NTM: variants seen among roughly 807,000 people sequenced by gnomAD.
NTM encodes the protein IgLON family member 2.
A neutral mutation model predicts 42.1 loss-of-function variants in NTM; 13 were observed. The observed-to-expected ratio is 0.31, with a 90% CI of 0.20 to 0.49. The LOEUF is 0.49. Among genes scored for constraint, NTM ranks in the 20% least tolerant of loss-of-function variants. The probability of loss-of-function intolerance (pLI) is 0.99; values close to 1 mark genes in which losing one functional copy is unlikely to be tolerated. For synonymous variants in NTM, 187 were observed against 179.2 expected, an observed-to-expected ratio of 1.04 and a Z score of -0.35; for missense variants, 373 against 452.8, an observed-to-expected ratio of 0.82 and a Z score of 1.60.
intron 3 of NTM, among the ~76,000 whole-genome samples, chr11:132,147,679 C>G (rs1345298043): frequency 6.6e-6 from 1 of 152,134 alleles, no homozygotes; most frequent in East Asian, 1.9e-4. Flanking sequence ...AGATCCAGTG[C>G]TGGAGCCCTT....
intron 3 of NTM, among the ~76,000 whole-genome samples, chr11:132,211,182 T>C (rs2082770824): frequency 6.6e-6 from 1 of 152,154 alleles, no homozygotes; most frequent in South Asian, 2.1e-4. Context: ...GGCTGGTGAA[T>C]TGCTTGAGCT....
chr11:132,316,703 A>G (rs2095438479), intron 7 of NTM, among the ~76,000 whole-genome samples: 1 of 152,148 alleles, frequency 6.6e-6, no homozygotes, highest in South Asian at 2.1e-4. Context: ...ATCACTAGCA[A>G]TGCTGCCTGG....
At chr11:132,025,933 A>C (rs2075112737) in intron 2 of NTM, among the ~76,000 whole-genome samples, 1 of 152,090 alleles carries the variant, frequency 6.6e-6, no homozygotes, top group Non-Finnish European at 1.5e-5. Context: ...CAAAATAGAG[A>C]TTTGGGAACT....
intron 1 of NTM, among the ~76,000 whole-genome samples, chr11:131,681,504 C>CCT (rs1344910170): frequency 4.3e-4 from 1 of 2,336 alleles, no homozygotes; most frequent in African/African-American, 4.3e-3. Context: ...TGTGTGTGAG[C>CCT]ATGTGTTTCT....
intron 3 of NTM, among the ~76,000 whole-genome samples, chr11:132,159,190 C>A (rs545927059): frequency 6.6e-6 from 1 of 152,266 alleles, no homozygotes; most frequent in East Asian, 1.9e-4. Context: ...CCCCTCTCTC[C>A]TTGAGGGGCT....
intron 1 of NTM, among the ~76,000 whole-genome samples, chr11:131,685,367 C>T (rs750351016): frequency 5.9e-5 from 9 of 152,250 alleles, no homozygotes; most frequent in South Asian, 2.1e-4. Flanking sequence ...CATGGAGAGT[C>T]GGGCAGGCAG....
At chr11:131,399,247 T>A (rs1410658564) in intron 1 of NTM, among the ~76,000 whole-genome samples, 1 of 152,162 alleles carries the variant, frequency 6.6e-6, no homozygotes, top group Non-Finnish European at 1.5e-5. Context: ...GTTATCTCCC[T>A]TTGAACCTCT....
intron 1 of NTM, among the ~76,000 whole-genome samples, chr11:131,647,625 A>C (rs1359335353): frequency 6.6e-6 from 1 of 152,206 alleles, no homozygotes; most frequent in Non-Finnish European, 1.5e-5. Context: ...ATGTCCATTT[A>C]ATAAACGAGA....
chr11:132,270,421 G>A (rs756051937), intron 4 of NTM, among the ~76,000 whole-genome samples: 1 of 151,896 alleles, frequency 6.6e-6, no homozygotes, highest in Non-Finnish European at 1.5e-5. Context: ...TAGAGACGGG[G>A]TTTCACCATG....
intron 1 of NTM, among the ~76,000 whole-genome samples, chr11:131,386,625 T>C (rs369212726): frequency 2.0e-5 from 3 of 152,212 alleles, no homozygotes; most frequent in Non-Finnish European, 4.4e-5. Context: ...GCAGGGAAAA[T>C]AGTGTGTGTT....
At chr11:131,790,922 A>G (rs1270209289) in intron 1 of NTM, among the ~76,000 whole-genome samples, 3 of 152,242 alleles carry the variant, frequency 2.0e-5, no homozygotes, top group African/African-American at 7.2e-5. Flanking sequence ...TCTTTGGAGC[A>G]ATCTCTATCA....
intron 1 of NTM, among the ~76,000 whole-genome samples, chr11:131,639,459 C>T (rs945980572): frequency 1.3e-5 from 2 of 152,296 alleles, no homozygotes; most frequent in Middle Eastern, 3.4e-3. Flanking sequence ...AAAAATTACA[C>T]GTGCTGTCTT....
intron 1 of NTM, among the ~76,000 whole-genome samples, chr11:131,562,817 G>C (rs2056405169): frequency 6.6e-6 from 1 of 152,168 alleles, no homozygotes; most frequent in African/African-American, 2.4e-5. Flanking sequence ...TTTTAGCAGA[G>C]CTCTACCTGG....
At chr11:132,183,056 G>A (rs995043904) in intron 3 of NTM, among the ~76,000 whole-genome samples, 1 of 151,932 alleles carries the variant, frequency 6.6e-6, no homozygotes, top group African/African-American at 2.4e-5. Flanking sequence ...CATCTCACAC[G>A]GTGCTGTACA....
Position 131,405,681 on chromosome 11 carries a change from C to T in NTM, c.82+34793C>T, listed in dbSNP as rs142285036. ...CTACAATCCATTCTTCAAACAGTAA[C>T]CTACATACTTTCCAAGCATACATCC... On this transcript the variant is annotated intron_variant, in intron 1 of 8. Coordinates refer to ENST00000683400, the MANE Select transcript of NTM (RefSeq NM_001352005.2). Among the ~76,000 whole-genome samples the T allele has an allele frequency of 7.2e-3, 1,095 of 152,274 alleles. 5 individuals carry two copies. Among genetic ancestry groups the T allele is most frequent in the Non-Finnish European group, 0.012 (833 of 68,016 alleles).
chr11:131,742,444 T>C (rs2081311500), intron 1 of NTM, among the ~76,000 whole-genome samples: 1 of 152,192 alleles, frequency 6.6e-6, no homozygotes, highest in African/African-American at 2.4e-5. Context: ...TTTTTTTTCT[T>C]TTTGAAAGAA....
chr11:132,086,965 C>A (rs2059796343), intron 2 of NTM, among the ~76,000 whole-genome samples: 1 of 152,106 alleles, frequency 6.6e-6, no homozygotes, highest in Non-Finnish European at 1.5e-5. Context: ...AAAAAGAAGG[C>A]TTTCTTCTTC....
At chr11:131,754,268 AACTT>A (rs1311776000) in intron 1 of NTM, among the ~76,000 whole-genome samples, 4 of 151,036 alleles carry the variant, frequency 2.6e-5, no homozygotes, top group African/African-American at 9.9e-5. Flanking sequence ...TGTACCCTAA[AACTT>A]AAAGTATAAT....
At chr11:131,655,183 A>T (rs1205965395) in intron 1 of NTM, among the ~76,000 whole-genome samples, 1 of 152,178 alleles carries the variant, frequency 6.6e-6, no homozygotes, top group Non-Finnish European at 1.5e-5. Flanking sequence ...TTGGGATACG[A>T]CTTGAGTATG....
Sources: allele counts gnomAD v4.1 joint callset (sites outside exome capture counted in the v4.1 genomes callset), GRCh38; gene constraint gnomAD v4.1.1; transcripts MANE v1.5; gene names NCBI Gene and HGNC (gene_info 2026-07-23, HGNC 2026-07-21).